PRKN: variants seen among roughly 807,000 people sequenced by gnomAD.
PRKN encodes the protein E3 ubiquitin-protein ligase parkin.
PRKN carries 56 observed loss-of-function variants against 59.5 expected under a neutral mutation model. The ratio of observed to expected loss-of-function variants is 0.94; its 90% CI spans 0.76 to 1.18. The LOEUF (loss-of-function observed/expected upper bound fraction) is 1.18, where lower values mean the gene tolerates loss of function less well. Among genes scored for constraint, PRKN ranks in the 50% most tolerant of loss-of-function variants. The pLI is 0.00. For synonymous variants in PRKN, 250 were observed against 222.1 expected (o/e 1.13, Z -1.12); for missense variants, 657 against 596.4 (o/e 1.10, Z -1.06).
At chr6:162,500,772 G>A (rs1236493999) in intron 1 of PRKN, among the ~76,000 whole-genome samples, 1 of 152,120 alleles carries the variant, frequency 6.6e-6, no homozygotes, top group Non-Finnish European at 1.5e-5. Context: ...TAACTTGAAT[G>A]TATTGAAAGA....
At chr6:162,490,843 G>T (rs1225750724) in intron 1 of PRKN, among the ~76,000 whole-genome samples, 1 of 152,128 alleles carries the variant, frequency 6.6e-6, no homozygotes, top group Non-Finnish European at 1.5e-5. Flanking sequence ...TCAAAAGGAC[G>T]GCACGAGGGG....
chr6:162,000,513 T>C (rs530524988), intron 5 of PRKN, among the ~76,000 whole-genome samples: 2 of 152,220 alleles, frequency 1.3e-5, no homozygotes, highest in East Asian at 1.9e-4. Context: ...TGTTTTTGTA[T>C]TGTTGAGTTT....
chr6:161,471,156 C>T lies in PRKN; in HGVS notation c.1083+77698G>A, dbSNP rs56386630. On this transcript the variant is annotated intron_variant, in intron 9 of 11. Transcript: ENST00000366898. This position sits in a 1 kb window ranked among gnomAD's most constrained non-coding sequence, Gnocchi z 4.5. ...GCAAATGTTAGGACTGGACTAACCA[C>T]TCCCTCTCAATAGAGGGAGAGACAG... 6.6e-6 allele frequency among the ~76,000 whole-genome samples: 1 copy of T among 152,306 alleles called. No homozygotes were observed. The highest frequency in any genetic ancestry group is 2.4e-5 in the African/African-American group (1 of 41,554).
intron 6 of PRKN, among the ~76,000 whole-genome samples, chr6:161,935,860 G>A (rs1449964098): frequency 6.6e-6 from 1 of 152,150 alleles, no homozygotes; most frequent in Non-Finnish European, 1.5e-5. Context: ...TACCCTAACT[G>A]AAGAGGAACA....
At chr6:161,748,705 T>C (rs1234820694) in intron 7 of PRKN, among the ~76,000 whole-genome samples, 1 of 152,074 alleles carries the variant, frequency 6.6e-6, no homozygotes, top group Non-Finnish European at 1.5e-5. Context: ...GAGACAACAG[T>C]GAGAAGGGGC....
chr6:161,784,712 T>C (rs1305216070), intron 7 of PRKN, among the ~76,000 whole-genome samples: 1 of 152,138 alleles, frequency 6.6e-6, no homozygotes, highest in Non-Finnish European at 1.5e-5. Flanking sequence ...TGGAACACAG[T>C]GGGCAGTTCT....
chr6:161,513,327 GC>G (rs367750461), intron 9 of PRKN, among the ~76,000 whole-genome samples: 1 of 152,100 alleles, frequency 6.6e-6, no homozygotes, highest in Non-Finnish European at 1.5e-5. Flanking sequence ...TGCAACCTCC[GC>G]CCCCCGGGTT....
intron 6 of PRKN, among the ~76,000 whole-genome samples, chr6:161,905,928 TAAAAAAAAAAA>T (rs750946937): frequency 9.5e-6 from 1 of 105,006 alleles, no homozygotes; most frequent in Non-Finnish European, 2.0e-5. Flanking sequence ...CCACTGCATC[TAAAAAAAAAAA>T]AAAAAAAAAG....
intron 7 of PRKN, among the ~76,000 whole-genome samples, chr6:161,652,136 A>G (rs1356896451): frequency 6.6e-6 from 1 of 152,262 alleles, no homozygotes; most frequent in African/African-American, 2.4e-5. Context: ...TAGTTTATGC[A>G]GACATCTGCC....
At chr6:161,707,559 A>G (rs1366911447) in intron 7 of PRKN, among the ~76,000 whole-genome samples, 2 of 152,232 alleles carry the variant, frequency 1.3e-5, no homozygotes, top group South Asian at 4.1e-4. Context: ...CACACTAAAC[A>G]GGTGTTTTAA....
At chr6:162,154,624 G>C (rs1363842575) in intron 4 of PRKN, among the ~76,000 whole-genome samples, 1 of 151,978 alleles carries the variant, frequency 6.6e-6, no homozygotes, top group Non-Finnish European at 1.5e-5. Flanking sequence ...CTGCTGAACT[G>C]CATTTGCCTT....
chr6:162,182,527 T>C (rs1369164340), intron 4 of PRKN, among the ~76,000 whole-genome samples: 1 of 152,080 alleles, frequency 6.6e-6, no homozygotes, highest in Non-Finnish European at 1.5e-5. Flanking sequence ...CATCACTGTG[T>C]GTCAGGAGGG....
intron 7 of PRKN, among the ~76,000 whole-genome samples, chr6:161,634,027 C>CAT (rs1158872629): frequency 6.6e-6 from 1 of 151,920 alleles, no homozygotes; most frequent in East Asian, 1.9e-4. Context: ...CACACACACA[C>CAT]ACACACACAC....
At position 162,021,158 on chromosome 6, in the gene PRKN, ATATATAT is replaced by A. The variant is rs1562465557; in HGVS notation, c.618+32926_618+32932del. 6.4e-4 allele frequency among the ~76,000 whole-genome samples: 15 copies of A among 23,592 alleles called. 2 individuals carry two copies. In the East Asian group the frequency reaches 0.021, roughly 33 times the overall value. 15.5% of individuals were successfully genotyped at this position (23,592 alleles called of 152,430 possible). A position where few individuals can be genotyped will look rare whatever the true frequency, so the allele number is the denominator to read the frequency against. ...TATATATATATATATATATATATAT[ATATATAT>A]AAAATATATGTGTATATATATTATA... On this transcript the variant is annotated intron_variant, in intron 5 of 11. Transcript: ENST00000366898.
chr6:161,713,151 T>G (rs1003443552), intron 7 of PRKN, among the ~76,000 whole-genome samples: 2 of 152,152 alleles, frequency 1.3e-5, no homozygotes, highest in African/African-American at 4.8e-5. Flanking sequence ...AACACTTATA[T>G]TTATTGGTTT....
intron 6 of PRKN, among the ~76,000 whole-genome samples, chr6:161,841,858 T>A (rs1463911169): frequency 6.6e-6 from 1 of 152,202 alleles, no homozygotes; most frequent in Admixed American, 6.5e-5. Flanking sequence ...TAATTTTCTA[T>A]CCAACAACCC....
chr6:162,179,296 T>C (rs1332632650), intron 4 of PRKN, among the ~76,000 whole-genome samples: 1 of 152,212 alleles, frequency 6.6e-6, no homozygotes, highest in East Asian at 1.9e-4. Flanking sequence ...CCTGTGCCAA[T>C]TGTTTTTCAT....
chr6:162,008,284 T>G (rs193115369), intron 5 of PRKN, among the ~76,000 whole-genome samples: 1 of 152,298 alleles, frequency 6.6e-6, no homozygotes, highest in Admixed American at 6.5e-5. Flanking sequence ...GCCTGCTATT[T>G]GTCTCTTCAG....
At chr6:161,495,206 C>T (rs959171565) in intron 9 of PRKN, among the ~76,000 whole-genome samples, 1 of 152,204 alleles carries the variant, frequency 6.6e-6, no homozygotes, top group Non-Finnish European at 1.5e-5. Context: ...ATTTGCAACA[C>T]ACCTCCCTTC....
Sources: allele counts gnomAD v4.1 joint callset (sites outside exome capture counted in the v4.1 genomes callset), GRCh38; gene constraint gnomAD v4.1.1; non-coding constraint Gnocchi (gnomAD v3.1); transcripts MANE v1.5; gene names NCBI Gene and HGNC (gene_info 2026-07-23, HGNC 2026-07-21).